PXDNL: variants seen among roughly 807,000 people sequenced by gnomAD.
PXDNL encodes probable oxidoreductase PXDNL.
PXDNL carries 145 observed loss-of-function variants against 150.8 expected under a neutral mutation model. That is an observed-to-expected ratio of 0.96 (90% CI 0.84 to 1.10). The LOEUF is 1.10. Ranked by LOEUF, PXDNL falls within the 50% of genes least tolerant of loss-of-function variation. The probability of loss-of-function intolerance (pLI) is 0.00; values close to 1 mark genes in which losing one functional copy is unlikely to be tolerated. For missense variants in PXDNL, 2,087 were observed against 1,873.9 expected (o/e 1.11, Z -2.10); for synonymous variants, 757 against 725.7 (o/e 1.04, Z -0.69).
Position 51,449,121 on chromosome 8 carries a change from A to G in PXDNL, c.1250-3T>C. On this transcript the variant is annotated splice_polypyrimidine_tract_variant and splice_region_variant and intron_variant, in intron 10 of 22. Coordinates refer to ENST00000356297, the MANE Select transcript of PXDNL (RefSeq NM_144651.5). Reference sequence around the variant, plus strand: ...GGTTACTGTAAATTGTGGAGGAGCTAAAGAGAATGAAACATACATCAAAAT... The same window carrying G: ...GGTTACTGTAAATTGTGGAGGAGCTGAAGAGAATGAAACATACATCAAAAT... 6.8e-7 allele frequency: 1 copy of G among 1,470,086 alleles called. No individual in the cohort carries two copies. The highest frequency in any genetic ancestry group is 9.2e-7 in the Non-Finnish European group (1 of 1,081,448). 91.1% of individuals were successfully genotyped at this position (1,470,086 alleles called of 1,614,324 possible).
At chr8:51,547,233 C>T (rs1244277919) in intron 4 of PXDNL, among the ~76,000 whole-genome samples, 1 of 152,118 alleles carries the variant, frequency 6.6e-6, no homozygotes, top group East Asian at 1.9e-4. Flanking sequence ...TGGAGGCCAC[C>T]AACTCAAGCT....
At chr8:51,374,160 CAAGGCTGCTA>C (rs1227646034) in intron 18 of PXDNL, among the ~76,000 whole-genome samples, 4 of 152,170 alleles carry the variant, frequency 2.6e-5, no homozygotes, top group Non-Finnish European at 5.9e-5. Context: ...GAGGGAATCT[CAAGGCTGCTA>C]CCAGTTCCTT....
intron 19 of PXDNL, among the ~76,000 whole-genome samples, chr8:51,357,679 A>C (rs1806556208): frequency 6.6e-6 from 1 of 152,228 alleles, no homozygotes; most frequent in Non-Finnish European, 1.5e-5. Context: ...AGTTGGCAAC[A>C]CCAGAGTGGA....
chr8:51,544,794 T>C (rs1812318889), intron 4 of PXDNL, among the ~76,000 whole-genome samples: 1 of 152,222 alleles, frequency 6.6e-6, no homozygotes, highest in Non-Finnish European at 1.5e-5. Flanking sequence ...ATTTCTATAC[T>C]GTGCTACTGT....
At position 51,809,241 on chromosome 8, in the gene PXDNL, A is replaced by G; in HGVS notation, c.104T>C (p.Val35Ala). ...PSRCLCFKST[V>A]RCMHLMLDHI... Reference sequence around the variant, plus strand: ...GTCCAGCATCAAGTGCATGCAGCGGACGGTGCTCTTAAAGCAAAGGCACCG... The same window carrying G: ...GTCCAGCATCAAGTGCATGCAGCGGGCGGTGCTCTTAAAGCAAAGGCACCG... The change falls in exon 1 of 23, where the codon GTC becomes GCC. Residue 35 changes from valine (V) to alanine (A), a missense_variant. By Grantham distance (64) the Val-to-Ala change is moderately conservative (BLOSUM62 0). Transcript: ENST00000356297. 6.2e-7 allele frequency: 1 copy of G among 1,612,824 alleles called. No homozygotes were observed.
At chr8:51,368,647 G>A (rs72638107) in intron 19 of PXDNL, among the ~76,000 whole-genome samples, 3,141 of 152,206 alleles carry the variant, frequency 0.021, 63 homozygotes, top group Non-Finnish European at 0.032. Context: ...GCTTGGAGTG[G>A]CCATTTACAT....
At chr8:51,683,193 A>ATATATATATATATATATATATATC (rs1815794646) in intron 1 of PXDNL, among the ~76,000 whole-genome samples, 2 of 129,842 alleles carry the variant, frequency 1.5e-5, no homozygotes, top group Non-Finnish European at 3.2e-5. Context: ...ATATATATAT[A>ATATATATATATATATATATATATC]TATATATGCC....
chr8:51,697,619 G>A (rs892467297), intron 1 of PXDNL, among the ~76,000 whole-genome samples: 3 of 152,144 alleles, frequency 2.0e-5, no homozygotes, highest in African/African-American at 4.8e-5. Context: ...ATTAAGCAAA[G>A]AGCCAGAAAA....
At chr8:51,396,835 C>T (rs975327334) in intron 17 of PXDNL, among the ~76,000 whole-genome samples, 5 of 152,128 alleles carry the variant, frequency 3.3e-5, no homozygotes, top group African/African-American at 7.2e-5. Context: ...TCCAATCAGC[C>T]CTGCTACAAG....
intron 2 of PXDNL, among the ~76,000 whole-genome samples, chr8:51,598,437 T>A (rs146214971): frequency 0.011 from 1,731 of 152,296 alleles, 13 homozygotes; most frequent in South Asian, 0.025. Context: ...GTTTTCATTA[T>A]GAAGGGACGT....
At chr8:51,638,651 C>T (rs1305409376) in intron 2 of PXDNL, among the ~76,000 whole-genome samples, 2 of 152,160 alleles carry the variant, frequency 1.3e-5, no homozygotes, top group Admixed American at 1.3e-4. Context: ...GAAGAGCTAA[C>T]TATCCTAAAT....
intron 19 of PXDNL, among the ~76,000 whole-genome samples, chr8:51,369,145 CAT>C (rs1207200870): frequency 6.6e-6 from 1 of 152,176 alleles, no homozygotes; most frequent in East Asian, 1.9e-4. Flanking sequence ...TGAGTAGTGA[CAT>C]AGTTTCTAGG....
At chr8:51,703,271 C>T (rs1404858287) in intron 1 of PXDNL, among the ~76,000 whole-genome samples, 1 of 133,824 alleles carries the variant, frequency 7.5e-6, no homozygotes, top group Non-Finnish European at 1.6e-5. Flanking sequence ...ACAGATTCTT[C>T]AATTTGAGGC....
chr8:51,783,822 A>C (rs1386092268), intron 1 of PXDNL, among the ~76,000 whole-genome samples: 2 of 152,236 alleles, frequency 1.3e-5, no homozygotes, highest in African/African-American at 4.8e-5. Context: ...TGATATGTTT[A>C]GCGAGCCTTA....
chr8:51,325,540 GA>G (rs1805455173), intron 21 of PXDNL, among the ~76,000 whole-genome samples: 1 of 152,072 alleles, frequency 6.6e-6, no homozygotes, highest in African/African-American at 2.4e-5. Context: ...GACTTCTCCC[GA>G]CATGGCCTCC....
chr8:51,762,642 C>T (rs2037177649), intron 1 of PXDNL, among the ~76,000 whole-genome samples: 2 of 152,210 alleles, frequency 1.3e-5, no homozygotes, highest in Non-Finnish European at 2.9e-5. Flanking sequence ...AGTTGTCCCA[C>T]CTTTCTGAAC....
intron 2 of PXDNL, among the ~76,000 whole-genome samples, chr8:51,596,296 C>A (rs1195938602): frequency 6.6e-6 from 1 of 152,150 alleles, no homozygotes; most frequent in African/African-American, 2.4e-5. Context: ...ATCCAGTCTA[C>A]CACTGATGAA....
intron 5 of PXDNL, among the ~76,000 whole-genome samples, chr8:51,488,703 A>G (rs1021358532): frequency 6.6e-6 from 1 of 152,232 alleles, no homozygotes; most frequent in South Asian, 2.1e-4. Flanking sequence ...AAACTTATCT[A>G]AAGGAGAGCA....
chr8:51,343,911 C>T (rs1250076362), intron 20 of PXDNL, among the ~76,000 whole-genome samples: 3 of 152,206 alleles, frequency 2.0e-5, no homozygotes, highest in Admixed American at 2.0e-4. Flanking sequence ...AGGACTCCAA[C>T]TCCTGATCAG....
Sources: gnomAD v4.1 joint callset for allele counts (sites outside exome capture counted in the v4.1 genomes callset) on GRCh38, gnomAD v4.1.1 for gene constraint, MANE v1.5 for transcripts, NCBI Gene and HGNC (gene_info 2026-07-23, HGNC 2026-07-21) for gene names.